The following ITIH4 variants were observed in gnomAD, a reference collection of about 807,000 sequenced individuals.
The protein encoded by ITIH4 is inter-alpha-trypsin inhibitor heavy chain 4.
ITIH4 carries 79 observed loss-of-function variants against 111.8 expected under a neutral mutation model. The observed-to-expected ratio is 0.71, with a 90% confidence interval of 0.59 to 0.85. ITIH4 has a LOEUF of 0.85. Among genes scored for constraint, ITIH4 ranks in the 40% least tolerant of loss-of-function variants. ITIH4 has a pLI of 0.00. For synonymous variants in ITIH4, 472 were observed against 468.3 expected (o/e 1.01, Z -0.10); for missense variants, 1,065 against 1,195.8 (o/e 0.89, Z 1.61).
intron 1 of ITIH4, chr3:52,829,931 T>C (rs2535642): frequency 0.092 from 17,842 of 194,288 alleles, 2,928 homozygotes; most frequent in African/African-American, 0.35. Context: ...TGCCTTGAGG[T>C]CTGTGTCCCC....
chr3:52,820,946 G>A (rs765560343), intron 12 of ITIH4, 45 bp downstream of exon 12: 1 of 1,601,226 alleles, frequency 6.2e-7, no homozygotes, highest in Non-Finnish European at 8.5e-7. Flanking sequence ...TGCCACCTGT[G>A]CCTGCCCCCT....
intron 1 of ITIH4, chr3:52,830,153 T>C (rs925549372): frequency 1.1e-5 from 4 of 351,640 alleles, no homozygotes; most frequent in Non-Finnish European, 2.2e-5. Flanking sequence ...CAACAAGCAC[T>C]GTCCTAAGCA....
chr3:52,825,769 C>G (rs1351953523), intron 6 of ITIH4, 117 bp downstream of exon 6: 39 of 1,126,474 alleles, frequency 3.5e-5, no homozygotes, highest in Non-Finnish European at 4.6e-5. Context: ...TGTGCCGGTC[C>G]CTGGTGCACA....
chr3:52,825,378 G>T, intron 6 of ITIH4: 1 of 153,438 alleles, frequency 6.5e-6, no homozygotes, highest in Non-Finnish European at 1.4e-5. Context: ...TAGGTGGGAG[G>T]ATCACTTGAG....
intron 6 of ITIH4, chr3:52,825,307 CA>C (rs547609696): frequency 3.9e-4 from 65 of 165,066 alleles, no homozygotes; most frequent in Non-Finnish European, 7.0e-4. Context: ...AGTATAATAA[CA>C]ATGGCAGAAA....
At position 52,829,318 on chromosome 3, in the gene ITIH4, T is replaced by C. The variant is rs771186690; in HGVS notation, c.91-39A>G. The C allele has an allele frequency of 3.2e-6, 5 of 1,578,142 alleles. No individual in the cohort carries two copies. The African/African-American group carries it at 5.4e-5, about 17-fold the overall frequency. On this transcript the variant is annotated intron_variant, in intron 1 of 23. Coordinates refer to ENST00000266041, the MANE Select transcript of ITIH4 (RefSeq NM_002218.5). ...GAAGAAGGGGGTTGCAGGGTTTCAA[T>C]GCCACCTCAGCTCGGGGTGACGCTC...
At chr3:52,829,596 C>G (rs1368370718) in intron 1 of ITIH4, among the ~76,000 whole-genome samples, 1 of 152,180 alleles carries the variant, frequency 6.6e-6, no homozygotes, top group Non-Finnish European at 1.5e-5. Flanking sequence ...GCTGGTGAAG[C>G]CAGGGCCAGT....
rs777846564 is a variant in ITIH4 at position 52,821,107 on chromosome 3, T to C, written c.1563A>G (p.Gln521=). Residue 521 remains glutamine (Q), a synonymous_variant, in exon 12 of 24, where the codon CAA becomes CAG. Coordinates refer to ENST00000266041, the MANE Select transcript of ITIH4 (RefSeq NM_002218.5). ...CCTGCTCTGCCACACTGGACTCCGT[T>C]TGGAAAGTGATGTTCTGTGTAGGCT... ...GKLPTQNITF[Q]TESSVAEQEA... 8.1e-6 allele frequency: 13 copies of C among 1,613,566 alleles called. No individual in the cohort carries two copies. The highest frequency in any genetic ancestry group is 1.1e-5 in the Non-Finnish European group (13 of 1,180,002).
intron 23 of ITIH4, 75 bp from the exon 24 acceptor site, chr3:52,813,565 G>A: frequency 7.5e-7 from 1 of 1,333,484 alleles, no homozygotes; most frequent in Non-Finnish European, 1.1e-6. Context: ...GGAGACAGCT[G>A]GGGACAGGAA....
In ITIH4 at chr3:52,823,717, G is replaced by C. The variant is rs1700433064; in HGVS notation, c.1378C>G (p.Pro460Ala). The C allele has an allele frequency of 1.9e-6, 3 of 1,614,186 alleles. No individual in the cohort carries two copies. The highest frequency in any genetic ancestry group is 2.5e-6 in the Non-Finnish European group (3 of 1,180,026). The change falls in exon 11 of 24, where the codon CCA becomes GCA. Residue 460 changes from proline to alanine, a missense_variant. By Grantham distance (27) the Pro-to-Ala change is conservative. Transcript: ENST00000266041. Reference protein sequence around the residue: ...LQDFYQEVANPLLTAVTFEYP... With the variant: ...LQDFYQEVANALLTAVTFEYP... Reference sequence around the variant, plus strand: ...TCGAAGGTCACTGCTGTCAGCAGTGGGTTGGCCACTTCCTGGTAGAAGTCC... The same window carrying C: ...TCGAAGGTCACTGCTGTCAGCAGTGCGTTGGCCACTTCCTGGTAGAAGTCC...
At chr3:52,826,674 T>C (rs1700483659) in intron 4 of ITIH4, 23 bp from the exon 5 acceptor site, 2 of 1,611,560 alleles carry the variant, frequency 1.2e-6, no homozygotes, top group Non-Finnish European at 1.7e-6. Context: ...TGTGGGTCCC[T>C]GGGTCAGCCA....
intron 6 of ITIH4, chr3:52,825,196 T>A (rs2240916): frequency 0.12 from 40,866 of 341,800 alleles, 2,925 homozygotes; most frequent in Non-Finnish European, 0.15. Context: ...TTCCTTCTAT[T>A]TGTTTTAGTA....
intron 14 of ITIH4, 70 bp from the exon 15 acceptor site, chr3:52,820,060 G>C: frequency 6.7e-7 from 1 of 1,503,758 alleles, no homozygotes. Flanking sequence ...GATGGGGACT[G>C]TATTCTTAGT....
chr3:52,818,236 C>T (rs1440541457), intron 19 of ITIH4, 21 bp downstream of exon 19: 2 of 1,584,796 alleles, frequency 1.3e-6, no homozygotes, highest in Non-Finnish European at 1.7e-6. Context: ...TGGAAAGGGG[C>T]CAAGGGGGCT....
Position 52,824,023 on chromosome 3 carries a change from G to A in ITIH4, c.1172-19C>T. On this transcript the variant is annotated intron_variant, in intron 9 of 23. Coordinates refer to ENST00000266041, the MANE Select transcript of ITIH4 (RefSeq NM_002218.5). This position sits in a 1 kb window ranked among gnomAD's most constrained non-coding sequence, Gnocchi z 4.3. ...GTCTCCCCTGGACCCAGGGGTTTGGGATGAGGGTGAGAAAATAGTGATTTG... is the reference window on the plus strand; with the variant it reads ...GTCTCCCCTGGACCCAGGGGTTTGGAATGAGGGTGAGAAAATAGTGATTTG... The A allele has an allele frequency of 6.5e-7, 1 of 1,545,260 alleles. No individual in the cohort carries two copies. Among genetic ancestry groups the A allele is most frequent in the Non-Finnish European group, 8.7e-7 (1 of 1,146,146 alleles).
intron 21 of ITIH4, among the ~76,000 whole-genome samples, chr3:52,816,066 G>A (rs1015111954): frequency 6.6e-6 from 1 of 152,228 alleles, no homozygotes; most frequent in Non-Finnish European, 1.5e-5. Flanking sequence ...AAGTGCAAGG[G>A]AGTTCCCGCA....
At position 52,824,069 on chromosome 3, in the gene ITIH4, C is replaced by T; in HGVS notation, c.1172-65G>A. ...ATTTGCTTGAAGAATATTTCTGGAA[C>T]CTCAGAGCCGAGGGGCCTCAGTGAC... On this transcript the variant is annotated intron_variant, in intron 9 of 23. Coordinates refer to ENST00000266041, the MANE Select transcript of ITIH4 (RefSeq NM_002218.5). The surrounding 1 kb of genome is among the most constrained non-coding windows in gnomAD (Gnocchi z 4.3). 2.6e-6 allele frequency: 4 copies of T among 1,550,618 alleles called. No individual in the cohort carries two copies. The South Asian group carries it at 3.7e-5, about 14-fold the overall frequency.
At chr3:52,818,383 T>G in intron 18 of ITIH4, 79 bp downstream of exon 18, 1 of 1,575,042 alleles carries the variant, frequency 6.3e-7, no homozygotes, top group Non-Finnish European at 8.7e-7. Context: ...CCCTCACTAC[T>G]TCAACATCGA....
At chr3:52,828,726 T>G (rs1700522175) in intron 2 of ITIH4, among the ~76,000 whole-genome samples, 1 of 152,162 alleles carries the variant, frequency 6.6e-6, no homozygotes, top group African/African-American at 2.4e-5. Context: ...CTCAAGCCAC[T>G]CTCCACTGTG....
Sources: allele counts gnomAD v4.1 joint callset (sites outside exome capture counted in the v4.1 genomes callset), GRCh38; gene constraint gnomAD v4.1.1; non-coding constraint Gnocchi (gnomAD v3.1); transcripts MANE v1.5; gene names NCBI Gene and HGNC (gene_info 2026-07-23, HGNC 2026-07-21).